CADM2: variants seen among roughly 807,000 people sequenced by gnomAD.
CADM2 encodes immunoglobulin superfamily member 4D.
In CADM2, 12 loss-of-function variants were observed where a neutral mutation model predicts 49.8. That is an observed-to-expected ratio of 0.24 (90% CI 0.15 to 0.39). The LOEUF is 0.39. Ranked by LOEUF, CADM2 falls within the 10% of genes least tolerant of loss-of-function variation. CADM2 has a pLI of 1.00. For synonymous variants in CADM2, 214 were observed against 175.4 expected, an observed-to-expected ratio of 1.22 and a Z score of -1.74; for missense variants, 378 against 492.3, an observed-to-expected ratio of 0.77 and a Z score of 2.20.
chr3:85,352,353 C>A (rs1324743886), intron 1 of CADM2, among the ~76,000 whole-genome samples: 2 of 152,030 alleles, frequency 1.3e-5, no homozygotes, highest in Non-Finnish European at 2.9e-5. Context: ...GGAGGACTAT[C>A]TTGCCAAATA....
At position 85,264,045 on chromosome 3, in the gene CADM2, A is replaced by C. The variant is rs555601097; in HGVS notation, c.61+304377A>C. ...ATGGAGGGAAAATTGGAGTTAGAAA[A>C]TTTTTCAGGTTCTCCGTTATCGTTC... On this transcript the variant is annotated intron_variant, in intron 1 of 9. Coordinates refer to ENST00000383699, the MANE Select transcript of CADM2 (RefSeq NM_001167675.2). Among the ~76,000 whole-genome samples the C allele has an allele frequency of 1.8e-4, 28 of 152,070 alleles. 1 individual carries two copies. The highest frequency in any genetic ancestry group is 6.2e-4 in the South Asian group (3 of 4,818).
intron 2 of CADM2, among the ~76,000 whole-genome samples, chr3:85,760,000 C>G (rs570247725): frequency 6.6e-6 from 1 of 152,132 alleles, no homozygotes; most frequent in South Asian, 2.1e-4. Context: ...GGTAAAGAGA[C>G]CCCTCCAGTA....
chr3:84,965,526 A>G (rs1352112204), intron 1 of CADM2, among the ~76,000 whole-genome samples: 1 of 152,248 alleles, frequency 6.6e-6, no homozygotes, highest in Non-Finnish European at 1.5e-5. Context: ...TTAGAGATGA[A>G]TAAAATCCTA....
At chr3:84,999,719 A>T (rs1418763156) in intron 1 of CADM2, among the ~76,000 whole-genome samples, 1 of 152,186 alleles carries the variant, frequency 6.6e-6, no homozygotes, top group Non-Finnish European at 1.5e-5. Flanking sequence ...TCGGCAAATG[A>T]CCATGAAAGC....
intron 2 of CADM2, among the ~76,000 whole-genome samples, chr3:85,761,119 C>G (rs1260737413): frequency 6.6e-6 from 1 of 152,058 alleles, no homozygotes; most frequent in Non-Finnish European, 1.5e-5. Flanking sequence ...TCCTGAACAC[C>G]ACTATCTACC....
chr3:85,924,328 G>C (rs1365504681), intron 6 of CADM2, among the ~76,000 whole-genome samples: 4 of 152,012 alleles, frequency 2.6e-5, no homozygotes, highest in African/African-American at 9.7e-5. Flanking sequence ...AGTGGTTCAC[G>C]CTTGTAATCA....
At chr3:85,642,987 T>A (rs1248593162) in intron 1 of CADM2, among the ~76,000 whole-genome samples, 1 of 152,194 alleles carries the variant, frequency 6.6e-6, no homozygotes, top group East Asian at 1.9e-4. Flanking sequence ...TTATTTTTCA[T>A]ACCTTGGCAA....
chr3:85,959,367 G>C (rs957047245), intron 7 of CADM2, among the ~76,000 whole-genome samples: 1 of 151,870 alleles, frequency 6.6e-6, no homozygotes, highest in South Asian at 2.1e-4. Flanking sequence ...AGGCATAATT[G>C]GTTATATCAG....
chr3:85,358,963 A>G (rs991646543), intron 1 of CADM2, among the ~76,000 whole-genome samples: 1 of 152,150 alleles, frequency 6.6e-6, no homozygotes, highest in Admixed American at 6.6e-5. Flanking sequence ...CATTTCTGAA[A>G]CACTTTATAA....
chr3:85,977,311 A>G (rs1037281323), intron 8 of CADM2, among the ~76,000 whole-genome samples: 16 of 151,432 alleles, frequency 1.1e-4, no homozygotes, highest in African/African-American at 3.6e-4. Flanking sequence ...ATTATGTGAT[A>G]GGAAATAAAC....
At chr3:85,116,485 G>A (rs573658421) in intron 1 of CADM2, among the ~76,000 whole-genome samples, 28 of 152,174 alleles carry the variant, frequency 1.8e-4, no homozygotes, top group Non-Finnish European at 2.5e-4. Flanking sequence ...GTAAGTTAGC[G>A]TTAATATATT....
intron 7 of CADM2, among the ~76,000 whole-genome samples, chr3:85,947,572 C>T (rs951338724): frequency 3.2e-4 from 48 of 151,386 alleles, no homozygotes; most frequent in Non-Finnish European, 2.1e-4. Flanking sequence ...TGTGTGCAGT[C>T]CTTTCCATAA....
intron 1 of CADM2, among the ~76,000 whole-genome samples, chr3:85,126,425 GA>G (rs574038858): frequency 5.3e-5 from 8 of 151,962 alleles, no homozygotes; most frequent in South Asian, 2.1e-4. Flanking sequence ...GTGTTGTGGG[GA>G]AAAAAATCAG....
At chr3:85,255,729 G>T (rs949845792) in intron 1 of CADM2, among the ~76,000 whole-genome samples, 7 of 151,940 alleles carry the variant, frequency 4.6e-5, no homozygotes, top group Non-Finnish European at 8.8e-5. Context: ...ACCGGATTTA[G>T]ATTTAATTCT....
chr3:85,654,994 G>C (rs2065154160), intron 1 of CADM2, among the ~76,000 whole-genome samples: 2 of 152,240 alleles, frequency 1.3e-5, no homozygotes, highest in African/African-American at 4.8e-5. Context: ...AATTAAATCA[G>C]TTAACAAAGT....
intron 1 of CADM2, among the ~76,000 whole-genome samples, chr3:85,576,654 T>G (rs2062640934): frequency 6.6e-6 from 1 of 152,172 alleles, no homozygotes; most frequent in Admixed American, 6.5e-5. Flanking sequence ...TTTTATTTAT[T>G]CATTTGGAGT....
intron 1 of CADM2, among the ~76,000 whole-genome samples, chr3:85,267,961 A>G (rs954239942): frequency 6.6e-6 from 1 of 151,728 alleles, no homozygotes; most frequent in African/African-American, 2.4e-5. Context: ...CCTACAATGT[A>G]TTAGGCACTA....
intron 1 of CADM2, among the ~76,000 whole-genome samples, chr3:85,321,021 T>C (rs1033815744): frequency 2.0e-5 from 3 of 146,654 alleles, no homozygotes; most frequent in African/African-American, 7.4e-5. Context: ...GACATGACTT[T>C]TAAGTGAAAG....
In CADM2 at chr3:85,100,334, G is replaced by T. The variant is rs142557169; in HGVS notation, c.61+140666G>T. On this transcript the variant is annotated intron_variant, in intron 1 of 9. Transcript: ENST00000383699. ...TGCCAAGTAACACAGGGCAGAACAT[G>T]CTTTCAAGCGTGCAGTGATTATTAT... Among the ~76,000 whole-genome samples, 220 of 152,290 alleles carry T rather than the reference G, an allele frequency of 1.4e-3. 2 individuals are homozygous for T. The highest frequency in any genetic ancestry group is 4.9e-3 in the African/African-American group (202 of 41,580).
Sources: allele counts gnomAD v4.1 joint callset (sites outside exome capture counted in the v4.1 genomes callset), GRCh38; gene constraint gnomAD v4.1.1; transcripts MANE v1.5; gene names NCBI Gene and HGNC (gene_info 2026-07-23, HGNC 2026-07-21).